SV2B: variants seen among roughly 807,000 people sequenced by gnomAD.
SV2B encodes the protein solute carrier family 22 member B2.
A neutral mutation model predicts 73.9 loss-of-function variants in SV2B; 41 were observed. The ratio of observed to expected loss-of-function variants is 0.56; its 90% CI spans 0.43 to 0.72. SV2B has a LOEUF of 0.72. Ranked by LOEUF, SV2B falls within the 30% of genes least tolerant of loss-of-function variation. The pLI is 0.00. For missense variants in SV2B, 764 were observed against 857.8 expected (o/e 0.89, Z 1.37); for synonymous variants, 314 against 314.2 (o/e 1.00, Z 0.01).
At chr15:91,237,647 A>G (rs1300602830) in intron 2 of SV2B, among the ~76,000 whole-genome samples, 1 of 152,254 alleles carries the variant, frequency 6.6e-6, no homozygotes, top group Non-Finnish European at 1.5e-5. Flanking sequence ...ACTGTGTATC[A>G]GTAGGAGCTG....
chr15:91,292,490 C>T lies in SV2B; in HGVS notation c.1990C>T (p.Leu664=), dbSNP rs1299327749. 13 of 1,614,218 alleles carry T rather than the reference C, an allele frequency of 8.1e-6. No individual in the cohort carries two copies. Among genetic ancestry groups the T allele is most frequent in the South Asian group, 1.1e-5 (1 of 91,086 alleles). Residue 664 remains leucine, a synonymous_variant, in exon 13 of 13, where the codon CTG becomes TTG. Coordinates refer to ENST00000394232, the MANE Select transcript of SV2B (RefSeq NM_001323032.3). The part of the protein sequence containing the change: ...VVPILLAAAS[L]VGGGLIALRL... ...CCCCATCCTTCTGGCTGCTGCTTCT[C>T]TGGTTGGGGGTGGCCTGATTGCCCT...
intron 1 of SV2B, among the ~76,000 whole-genome samples, chr15:91,199,339 G>T (rs2045378224): frequency 6.6e-6 from 1 of 152,164 alleles, no homozygotes; most frequent in African/African-American, 2.4e-5. Context: ...GCAGACCCAG[G>T]TCTAACAGAT....
rs769498170 is a variant in SV2B, at chr15:91,289,717, T to C, written c.1868+37T>C. ...CCCAGGCTTTCCTCAGGGACTTGTT[T>C]GGGCTTCTTTGGCCAGAAGTCTACC... On this transcript the variant is annotated intron_variant, in intron 12 of 12. Coordinates refer to ENST00000394232, the MANE Select transcript of SV2B (RefSeq NM_001323032.3). This position sits in a 1 kb window ranked among gnomAD's most constrained non-coding sequence, Gnocchi z 4.9. 1.1e-5 allele frequency: 18 copies of C among 1,595,876 alleles called. No individual in the cohort carries two copies. The African/African-American group carries it at 2.4e-4, about 21-fold the overall frequency.
In SV2B at chr15:91,239,221, C is replaced by G. The variant is rs145893266; in HGVS notation, c.451+12507C>G. 6.6e-6 allele frequency among the ~76,000 whole-genome samples: 1 copy of G among 152,134 alleles called. No individual in the cohort carries two copies. The highest frequency in any genetic ancestry group is 2.1e-4 in the South Asian group (1 of 4,814). The stretch of plus-strand genomic sequence containing the variant: ...TGGCTGCTTGAATGTGTGGAGTGTA[C>G]GCTTTCTGTTTCACCACTGGAGATT... On this transcript the variant is annotated intron_variant, in intron 2 of 12. Coordinates refer to ENST00000394232, the MANE Select transcript of SV2B (RefSeq NM_001323032.3). This position sits in a 1 kb window ranked among gnomAD's most constrained non-coding sequence, Gnocchi z 5.1.
At chr15:91,249,726 A>G (rs1467240635) in intron 2 of SV2B, among the ~76,000 whole-genome samples, 1 of 152,256 alleles carries the variant, frequency 6.6e-6, no homozygotes, top group African/African-American at 2.4e-5. Flanking sequence ...ACAGGAGATT[A>G]TTATGAAAAA....
rs1381778259 is a variant in SV2B, at chr15:91,197,861, C to T, written c.-391-28012C>T. Among the ~76,000 whole-genome samples the T allele has an allele frequency of 6.6e-6, 1 of 151,910 alleles. No individual in the cohort carries two copies. Among genetic ancestry groups the T allele is most frequent in the African/African-American group, 2.4e-5 (1 of 41,366 alleles). ...TCAGCTTGGCCAACATGGTGAAAACCCATCTCTACAAAAAATACAAAAATT... is the reference window on the plus strand; with the variant it reads ...TCAGCTTGGCCAACATGGTGAAAACTCATCTCTACAAAAAATACAAAAATT... On this transcript the variant is annotated intron_variant, in intron 1 of 12. Coordinates refer to ENST00000394232, the MANE Select transcript of SV2B (RefSeq NM_001323032.3). This position sits in a 1 kb window ranked among gnomAD's most constrained non-coding sequence, Gnocchi z 4.9.
At position 91,287,635 on chromosome 15, in the gene SV2B, C is replaced by T. The variant is rs372379706; in HGVS notation, c.1709-1886C>T. 2.9e-4 allele frequency among the ~76,000 whole-genome samples: 44 copies of T among 152,312 alleles called. No individual in the cohort carries two copies. In the East Asian group the frequency reaches 7.9e-3, roughly 27 times the overall value. On this transcript the variant is annotated intron_variant, in intron 11 of 12. Coordinates refer to ENST00000394232, the MANE Select transcript of SV2B (RefSeq NM_001323032.3). ...TTTTCTGTTCACTCCCATCCCCACC[C>T]CAGAGTTCTGAGCTGGACTTCTCCG...
chr15:91,143,889 G>A (rs930336179), intron 1 of SV2B, among the ~76,000 whole-genome samples: 1 of 152,144 alleles, frequency 6.6e-6, no homozygotes, highest in African/African-American at 2.4e-5. Context: ...TTTTCTAAAT[G>A]GGTAAAGTGC....
rs2042695585 is a variant in SV2B, at chr15:91,132,797, A to G, written c.-392+32434A>G. On this transcript the variant is annotated intron_variant, in intron 1 of 12. Transcript: ENST00000394232. The surrounding 1 kb of genome is among the most constrained non-coding windows in gnomAD (Gnocchi z 4.6). ...TGAGGCTGCAGTGAGCTATAGTCGCACCACTGCACTCCAGCCTGGGCAACA... is the reference window on the plus strand; with the variant it reads ...TGAGGCTGCAGTGAGCTATAGTCGCGCCACTGCACTCCAGCCTGGGCAACA... Among the ~76,000 whole-genome samples the G allele has an allele frequency of 6.6e-6, 1 of 151,988 alleles. No homozygotes were observed. Among genetic ancestry groups the G allele is most frequent in the African/African-American group, 2.4e-5 (1 of 41,332 alleles).
chr15:91,232,553 G>A lies in SV2B; in HGVS notation c.451+5839G>A, dbSNP rs541071319. On this transcript the variant is annotated intron_variant, in intron 2 of 12. Coordinates refer to ENST00000394232, the MANE Select transcript of SV2B (RefSeq NM_001323032.3). This position sits in a 1 kb window ranked among gnomAD's most constrained non-coding sequence, Gnocchi z 4.7. ...TGATCACTCTGCCCCAGTGATTTTG[G>A]TACTGAGAGTGCTTCTAGAGGAGCG... Among the ~76,000 whole-genome samples the A allele has an allele frequency of 1.8e-3, 274 of 152,220 alleles. 1 individual carries two copies. Among genetic ancestry groups the A allele is most frequent in the African/African-American group, 6.2e-3 (257 of 41,530 alleles).
In SV2B at chr15:91,130,034, C is replaced by T. The variant is rs1411013477; in HGVS notation, c.-392+29671C>T. Among the ~76,000 whole-genome samples the T allele has an allele frequency of 4.6e-5, 7 of 152,244 alleles. No individual in the cohort carries two copies. Among genetic ancestry groups the T allele is most frequent in the Admixed American group, 2.0e-4 (3 of 15,290 alleles). On this transcript the variant is annotated intron_variant, in intron 1 of 12. Transcript: ENST00000394232. The surrounding 1 kb of genome is among the most constrained non-coding windows in gnomAD (Gnocchi z 5.6). ...GGTGGATAAATTGGGAAGAGAGGGA[C>T]GACAGGCCTGGGGCCACGTGGGCAG...
chr15:91,234,525 T>TAC lies in SV2B; in HGVS notation c.451+7812_451+7813dup, dbSNP rs1310512951. ...CAGTCTGACCTATGTAGACCTGTGG[T>TAC]ACTGGCTAGTTCATTGTGGCATTTT... On this transcript the variant is annotated intron_variant, in intron 2 of 12. Coordinates refer to ENST00000394232, the MANE Select transcript of SV2B (RefSeq NM_001323032.3). This position sits in a 1 kb window ranked among gnomAD's most constrained non-coding sequence, Gnocchi z 5.6. 2.0e-5 allele frequency among the ~76,000 whole-genome samples: 3 copies of TAC among 152,216 alleles called. No individual in the cohort carries two copies. Among genetic ancestry groups the TAC allele is most frequent in the African/African-American group, 7.2e-5 (3 of 41,448 alleles).
intron 1 of SV2B, among the ~76,000 whole-genome samples, chr15:91,126,260 C>G (rs1038537489): frequency 6.6e-6 from 1 of 152,234 alleles, no homozygotes; most frequent in Non-Finnish European, 1.5e-5. Flanking sequence ...AGTGACTCAT[C>G]TGCTTCTGCC....
chr15:91,246,364 C>CA (rs1393023898), intron 2 of SV2B, among the ~76,000 whole-genome samples: 4 of 152,144 alleles, frequency 2.6e-5, no homozygotes, highest in African/African-American at 9.7e-5. Flanking sequence ...CTAATAACAT[C>CA]AATAGCAGCT....
In SV2B at chr15:91,302,322, T is replaced by C. The variant is rs1346953779; in HGVS notation, c.*9770T>C. Among the ~76,000 whole-genome samples, 1 of 152,186 alleles carries C rather than the reference T, an allele frequency of 6.6e-6. No individual in the cohort carries two copies. Among genetic ancestry groups the C allele is most frequent in the Non-Finnish European group, 1.5e-5 (1 of 68,022 alleles). ...TCTGGGTCCGGGTCTTGGTGGCTCCTGCTTTGCTGAGCTTTAAAACTTTAG... is the reference window on the plus strand; with the variant it reads ...TCTGGGTCCGGGTCTTGGTGGCTCCCGCTTTGCTGAGCTTTAAAACTTTAG... On this transcript the variant is annotated 3_prime_UTR_variant, in exon 13 of 13. Transcript: ENST00000394232.
At position 91,268,520 on chromosome 15, in the gene SV2B, T is replaced by A. The variant is rs1349613881; in HGVS notation, c.1288T>A (p.Phe430Ile). ...DEEYKSKMKVFFGEHVYGATI... is the reference protein window; with the variant it reads ...DEEYKSKMKVIFGEHVYGATI... ...AGAATACAAGTCTAAAATGAAGGTG[T>A]TTTTTGGTGAGCATGTGTACGGCGC... Residue 430 changes from phenylalanine (F) to isoleucine (I), a missense_variant, in exon 9 of 13, where the codon TTT (phenylalanine) becomes ATT (isoleucine). Transcript: ENST00000394232. This position sits in a 1 kb window ranked among gnomAD's most constrained non-coding sequence, Gnocchi z 4.4. The A allele has an allele frequency of 6.2e-7, 1 of 1,613,862 alleles. No homozygotes were observed. Among genetic ancestry groups the A allele is most frequent in the Non-Finnish European group, 8.5e-7 (1 of 1,179,758 alleles).
In SV2B at chr15:91,226,464, G is replaced by T. The variant is rs755565945; in HGVS notation, c.201G>T (p.Ala67=). 6.2e-7 allele frequency: 1 copy of T among 1,614,188 alleles called. No homozygotes were observed. The highest frequency in any genetic ancestry group is 8.5e-7 in the Non-Finnish European group (1 of 1,180,022). The change falls in exon 2 of 13, where the codon GCG becomes GCT. Residue 67 remains alanine (A), a synonymous_variant. Coordinates refer to ENST00000394232, the MANE Select transcript of SV2B (RefSeq NM_001323032.3). The stretch of plus-strand genomic sequence containing the variant: ...TCAAGGCCAAGCAGGCCAAGATGGC[G>T]CCCTCCAGAATGGACAGCCTTCGGG... The part of the protein sequence containing the change: ...DDVKAKQAKM[A]PSRMDSLRGQ...
chr15:91,260,465 T>TA, intron 6 of SV2B, 56 bp downstream of exon 6: 1 of 1,409,010 alleles, frequency 7.1e-7, no homozygotes, highest in East Asian at 2.4e-5. Context: ...ACTGCTTTGA[T>TA]TTACTAAAAA....
At chr15:91,174,859 A>G (rs913032126) in intron 1 of SV2B, among the ~76,000 whole-genome samples, 1 of 152,212 alleles carries the variant, frequency 6.6e-6, no homozygotes, top group Non-Finnish European at 1.5e-5. Context: ...AGGGACAGAC[A>G]CTGAGCAGAG....
Sources: allele counts gnomAD v4.1 joint callset (sites outside exome capture counted in the v4.1 genomes callset), GRCh38; gene constraint gnomAD v4.1.1; non-coding constraint Gnocchi (gnomAD v3.1); transcripts MANE v1.5; gene names NCBI Gene and HGNC (gene_info 2026-07-23, HGNC 2026-07-21).